CASK: variants seen among roughly 807,000 people sequenced by gnomAD.
The protein encoded by CASK is peripheral plasma membrane protein CASK.
CASK carries 4 observed loss-of-function variants against 82.9 expected under a neutral mutation model. That is an observed-to-expected ratio of 0.05 (90% CI 0.02 to 0.11). The LOEUF is 0.11. Among genes scored for constraint, CASK ranks in the 10% least tolerant of loss-of-function variants. The pLI, the probability that CASK is intolerant of heterozygous loss-of-function variation, is 1.00. For missense variants in CASK, 358 were observed against 720.9 expected (o/e 0.50, Z 5.76); for synonymous variants, 259 against 253.5 (o/e 1.02, Z -0.20).
intron 21 of CASK, among the ~76,000 whole-genome samples, chrX:41,548,735 T>G (rs1030399407): frequency 1.8e-5 from 2 of 111,997 alleles, no homozygotes; most frequent in Non-Finnish European, 3.8e-5. Flanking sequence ...ATTGAGGAAT[T>G]TTTTGACAGG....
intron 25 of CASK, among the ~76,000 whole-genome samples, chrX:41,529,944 T>C (rs1407530729): frequency 1.8e-5 from 2 of 111,918 alleles, no homozygotes; most frequent in Non-Finnish European, 3.8e-5. Flanking sequence ...ATATAGGTTC[T>C]GTCCTTGCTT....
intron 16 of CASK, among the ~76,000 whole-genome samples, chrX:41,568,128 T>TA (rs1398481365): frequency 9.3e-6 from 1 of 107,960 alleles, no homozygotes; most frequent in African/African-American, 3.4e-5. Context: ...TTAGGAGAAA[T>TA]ACCTAATGTA....
chrX:41,873,770 C>T (rs192100685), intron 1 of CASK, among the ~76,000 whole-genome samples: 47 of 105,873 alleles, frequency 4.4e-4, no homozygotes, highest in African/African-American at 1.3e-3. Flanking sequence ...AAAGTAATTG[C>T]AGTTTTTGTT....
At chrX:41,815,883 C>T (rs1182289709) in intron 2 of CASK, among the ~76,000 whole-genome samples, 2 of 111,410 alleles carry the variant, frequency 1.8e-5, no homozygotes, top group African/African-American at 6.5e-5. Flanking sequence ...TTTTTTGAGA[C>T]AGGATCTGGC....
At chrX:41,825,934 G>C (rs1332614165) in intron 2 of CASK, among the ~76,000 whole-genome samples, 2 of 112,048 alleles carry the variant, frequency 1.8e-5, no homozygotes, top group Non-Finnish European at 3.8e-5. Context: ...ATTTCAAATA[G>C]TCTGTAATTG....
intron 2 of CASK, among the ~76,000 whole-genome samples, chrX:41,833,980 A>C (rs2147934252): frequency 9.0e-6 from 1 of 111,434 alleles, no homozygotes; most frequent in East Asian, 2.8e-4. Context: ...TTGAACTCTT[A>C]GGCTCAGGTG....
At chrX:41,578,635 G>A in intron 14 of CASK, 107 bp from the exon 15 acceptor site, 1 of 571,529 alleles carries the variant, frequency 1.7e-6, no homozygotes, top group Non-Finnish European at 2.8e-6. Context: ...GTCACCCAGG[G>A]TGCAGTGCAG....
chrX:41,658,208 C>T (rs1162207539), intron 8 of CASK, among the ~76,000 whole-genome samples: 4 of 111,754 alleles, frequency 3.6e-5, no homozygotes, highest in South Asian at 3.8e-4. Context: ...TGTAACAAAC[C>T]GGTAAACATA....
chrX:41,813,228 T>C (rs957132126), intron 2 of CASK, among the ~76,000 whole-genome samples: 6 of 111,558 alleles, frequency 5.4e-5, no homozygotes, highest in Middle Eastern at 4.6e-3. Context: ...CTTCACGAAA[T>C]TGGAAAAAAC....
At chrX:41,646,106 T>C (rs2066753581) in intron 8 of CASK, among the ~76,000 whole-genome samples, 1 of 111,565 alleles carries the variant, frequency 9.0e-6, no homozygotes, top group East Asian at 2.8e-4. Context: ...AGGCTGCTTA[T>C]CTTCCGGAAA....
chrX:41,863,914 C>T (rs2071541150), intron 1 of CASK, among the ~76,000 whole-genome samples: 3 of 111,824 alleles, frequency 2.7e-5, no homozygotes, highest in Admixed American at 9.5e-5. Context: ...GGGGTGTGTT[C>T]TGTTAATATG....
intron 2 of CASK, among the ~76,000 whole-genome samples, chrX:41,801,324 T>G (rs948614212): frequency 8.9e-6 from 1 of 111,751 alleles, no homozygotes; most frequent in Non-Finnish European, 1.9e-5. Context: ...AAAACATCCT[T>G]GAAACTGCAC....
intron 1 of CASK, among the ~76,000 whole-genome samples, chrX:41,909,674 G>A (rs1235126119): frequency 3.7e-5 from 4 of 109,575 alleles, no homozygotes; most frequent in Non-Finnish European, 5.7e-5. Flanking sequence ...GCATGATCTC[G>A]GCTCACTGCA....
chrX:41,652,832 A>G (rs1356586751), intron 8 of CASK, among the ~76,000 whole-genome samples: 1 of 112,311 alleles, frequency 8.9e-6, no homozygotes, highest in African/African-American at 3.2e-5. Flanking sequence ...ACACAATGGT[A>G]AAAGTGTTTC....
At chrX:41,564,093 G>A (rs2065274380) in intron 16 of CASK, among the ~76,000 whole-genome samples, 1 of 111,854 alleles carries the variant, frequency 8.9e-6, no homozygotes, top group African/African-American at 3.3e-5. Context: ...AATATGTAAT[G>A]ACTAAGCTGA....
At position 41,737,270 on chromosome X, in the gene CASK, G is replaced by A. The variant is rs761328427; in HGVS notation, c.429+2114C>T. On this transcript the variant is annotated intron_variant, in intron 5 of 26. Transcript: ENST00000378163. ...ACTTCAGTTGAGATGTCAGAAAAAT[G>A]AGTGAAGCCTATGTGGAAACTAGCC... 5.4e-5 allele frequency among the ~76,000 whole-genome samples: 6 copies of A among 112,011 alleles called. No homozygotes were observed. The South Asian group carries it at 2.2e-3, about 42-fold the overall frequency.
chrX:41,915,990 A>AACACACACACAC (rs200862362), intron 1 of CASK, among the ~76,000 whole-genome samples: 2 of 105,248 alleles, frequency 1.9e-5, no homozygotes, highest in Non-Finnish European at 3.9e-5. Flanking sequence ...TCCGTCTCAA[A>AACACACACACAC]ACACACACAC....
At chrX:41,912,300 GTTTTTTT>G (rs774775542) in intron 1 of CASK, among the ~76,000 whole-genome samples, 15 of 53,174 alleles carry the variant, frequency 2.8e-4, no homozygotes, top group African/African-American at 9.9e-4. Flanking sequence ...TTTGTTTTCT[GTTTTTTT>G]TTTTTTTTTT....
chrX:41,558,417 T>C (rs1003724702), intron 18 of CASK: 11 of 111,146 alleles, frequency 9.9e-5, no homozygotes, highest in Non-Finnish European at 2.1e-4. Context: ...GAGAAACTTA[T>C]GTTGTATTAA....
Sources: allele counts gnomAD v4.1 joint callset (sites outside exome capture counted in the v4.1 genomes callset), GRCh38; gene constraint gnomAD v4.1.1; transcripts MANE v1.5; gene names NCBI Gene and HGNC (gene_info 2026-07-23, HGNC 2026-07-21).